CFAP92: variants seen among roughly 807,000 people sequenced by gnomAD.
CFAP92 encodes uncharacterized protein CFAP92.
A neutral mutation model predicts 106.3 loss-of-function variants in CFAP92; 86 were observed. That is an observed-to-expected ratio of 0.81 (90% CI 0.68 to 0.97). CFAP92 has a LOEUF of 0.97. Ranked by LOEUF, CFAP92 falls within the 50% of genes least tolerant of loss-of-function variation. The pLI is 0.00. For missense variants in CFAP92, 1,204 were observed against 1,283.8 expected (o/e 0.94, Z 0.95); for synonymous variants, 477 against 506.4 (o/e 0.94, Z 0.78).
intron 9 of CFAP92, among the ~76,000 whole-genome samples, chr3:128,960,073 C>T (rs902643717): frequency 1.3e-5 from 2 of 152,200 alleles, no homozygotes; most frequent in Non-Finnish European, 2.9e-5. Flanking sequence ...CCCTGCCCAC[C>T]AGAGAACAAC....
chr3:129,015,301 C>G, the CFAP92 span, among the ~76,000 whole-genome samples: 1 of 152,172 alleles, frequency 6.6e-6, no homozygotes, highest in Non-Finnish European at 1.5e-5. Context: ...TTGCCAGACC[C>G]CAACTCTTTA....
the CFAP92 span, among the ~76,000 whole-genome samples, chr3:129,008,255 C>G: frequency 6.6e-6 from 1 of 152,244 alleles, no homozygotes; most frequent in East Asian, 1.9e-4. Context: ...TAAGACAGCC[C>G]TTGCTGGCCC....
chr3:129,010,247 G>A, the CFAP92 span, among the ~76,000 whole-genome samples: 13 of 152,210 alleles, frequency 8.5e-5, no homozygotes, highest in South Asian at 4.1e-4. This position sits in a 1 kb window ranked among gnomAD's most constrained non-coding sequence, Gnocchi z 4.3. Context: ...TTTTGAAACC[G>A]CCCATATCTC....
intron 9 of CFAP92, among the ~76,000 whole-genome samples, chr3:128,956,184 TAAAA>T (rs369899266): frequency 0.059 from 2,919 of 49,172 alleles, 232 homozygotes; most frequent in African/African-American, 0.25. Flanking sequence ...AAAAATAAAT[TAAAA>T]AAAAAAATAA....
intron 13 of CFAP92, among the ~76,000 whole-genome samples, 187 bp from the exon 14 acceptor site, chr3:128,915,750 G>A (rs938407168): frequency 1.3e-5 from 2 of 152,212 alleles, no homozygotes; most frequent in African/African-American, 4.8e-5. Flanking sequence ...GATGGGAGAA[G>A]CCGTTTCCTA....
At chr3:128,924,833 G>T (rs1937549246) in intron 12 of CFAP92, among the ~76,000 whole-genome samples, 1 of 152,202 alleles carries the variant, frequency 6.6e-6, no homozygotes, top group African/African-American at 2.4e-5. Context: ...ATGCTAAACT[G>T]TCACAGCTAT....
chr3:128,935,147 G>A lies in CFAP92; in HGVS notation c.2431C>T (p.Arg811Trp), dbSNP rs777852428. The change falls in exon 11 of 16, where the codon CGG becomes TGG. Residue 811 changes from arginine to tryptophan, a missense_variant. Arg to Trp is a moderately radical substitution (Grantham distance 101). Coordinates refer to ENST00000645291, the MANE Select transcript of CFAP92 (RefSeq NM_001394090.1). ...VFFLRDTERR[R>W]VFQALARIHD... ...CACCTGGCTAGAGCCTGGAAGACCC[G>A]CCTCCGCTCAGTGTCTCGCAGGAAG... 3.4e-5 allele frequency: 52 copies of A among 1,531,474 alleles called. No homozygotes were observed. In the Admixed American group the frequency reaches 4.6e-4, roughly 13 times the overall value. 94.9% of individuals were successfully genotyped at this position (1,531,474 alleles called of 1,614,324 possible).
chr3:128,939,531 A>C (rs1211088924), intron 10 of CFAP92, among the ~76,000 whole-genome samples: 1 of 152,018 alleles, frequency 6.6e-6, no homozygotes, highest in East Asian at 1.9e-4. Flanking sequence ...ATTTAGTGCA[A>C]CCACCACCAC....
intron 8 of CFAP92, chr3:128,971,054 T>C: frequency 1.7e-6 from 1 of 582,296 alleles, no homozygotes. Context: ...CAGAGCTGGG[T>C]TCAAGTCCAG....
intron 4 of CFAP92, among the ~76,000 whole-genome samples, chr3:128,985,517 C>T (rs1306443489): frequency 6.6e-6 from 1 of 152,134 alleles, no homozygotes; most frequent in African/African-American, 2.4e-5. Flanking sequence ...TTTTCTCCTT[C>T]CTTTTCTGGC....
chr3:129,010,339 C>T, the CFAP92 span, among the ~76,000 whole-genome samples: 1 of 152,290 alleles, frequency 6.6e-6, no homozygotes, highest in Non-Finnish European at 1.5e-5. This position sits in a 1 kb window ranked among gnomAD's most constrained non-coding sequence, Gnocchi z 4.3. Flanking sequence ...TTCAGGACAC[C>T]GGGGCAGGGC....
At chr3:128,978,617 A>G (rs1033036091) in intron 4 of CFAP92, among the ~76,000 whole-genome samples, 3 of 152,142 alleles carry the variant, frequency 2.0e-5, no homozygotes, top group African/African-American at 7.2e-5. Flanking sequence ...AAATAGACCA[A>G]TGGAACAGAA....
chr3:128,924,618 A>ATTTTT (rs35609680), intron 12 of CFAP92, among the ~76,000 whole-genome samples: 6 of 148,376 alleles, frequency 4.0e-5, no homozygotes, highest in African/African-American at 1.3e-4. Context: ...CTCATTTTGT[A>ATTTTT]TTTTTTTTAG....
chr3:128,965,559 C>T lies in CFAP92; in HGVS notation c.1305G>A (p.Lys435=), dbSNP rs1942302759. ...QDLNPLTIKI[K]CASCLPSQPV... ...GCTGTGATGGAAGGCAGGAAGCACA[C>T]TTGATCTTTATGGTCAGGGGATTTA... The change falls in exon 9 of 16, where the codon AAG becomes AAA. Residue 435 remains lysine (K), a synonymous_variant. Transcript: ENST00000645291. The T allele has an allele frequency of 2.5e-6, 1 of 399,020 alleles. No homozygotes were observed. The allele number at this position is 399,020 out of a possible 1,614,324, so 24.7% of individuals were successfully genotyped here.
intron 9 of CFAP92, among the ~76,000 whole-genome samples, chr3:128,957,370 G>A (rs1941522449): frequency 2.6e-5 from 4 of 152,184 alleles, no homozygotes; most frequent in Admixed American, 2.6e-4. Flanking sequence ...GGTATGGAGG[G>A]AGGTAAAGTT....
intron 2 of CFAP92, chr3:128,991,940 G>C: frequency 1.0e-6 from 1 of 953,066 alleles, no homozygotes; most frequent in Non-Finnish European, 1.2e-6. Context: ...ACTTGGTTTG[G>C]CCAATAAAAT....
chr3:128,944,410 C>G (rs1188962190), intron 10 of CFAP92, among the ~76,000 whole-genome samples: 1 of 152,196 alleles, frequency 6.6e-6, no homozygotes. Context: ...CAATCCCCTT[C>G]TGGGCAGACA....
chr3:128,961,093 C>A (rs554349653), intron 9 of CFAP92, among the ~76,000 whole-genome samples: 2 of 152,314 alleles, frequency 1.3e-5, no homozygotes, highest in Admixed American at 1.3e-4. Context: ...GCCTTATTTT[C>A]TTCTGCAATG....
At chr3:129,010,017 A>C in the CFAP92 span, among the ~76,000 whole-genome samples, 2 of 152,226 alleles carry the variant, frequency 1.3e-5, no homozygotes, top group Non-Finnish European at 2.9e-5. This position sits in a 1 kb window ranked among gnomAD's most constrained non-coding sequence, Gnocchi z 4.3. Context: ...GTGGCCTAGC[A>C]CCCAGCCCAG....
Sources: gnomAD v4.1 joint callset for allele counts (sites outside exome capture counted in the v4.1 genomes callset) on GRCh38, gnomAD v4.1.1 for gene constraint, Gnocchi (gnomAD v3.1) non-coding constraint, MANE v1.5 for transcripts, NCBI Gene and HGNC (gene_info 2026-07-23, HGNC 2026-07-21) for gene names.